Variants in GTF2H3 observed in about 807,000 individuals in gnomAD.
The protein encoded by GTF2H3 is TFIIH basal transcription factor complex p34 subunit.
GTF2H3 carries 42 observed loss-of-function variants against 51.1 expected under a neutral mutation model. The observed-to-expected ratio is 0.82, with a 90% CI of 0.64 to 1.06. GTF2H3 has a LOEUF of 1.06. GTF2H3 is among the 50% of genes least tolerant of loss of function. The probability of loss-of-function intolerance (pLI) is 0.00; values close to 1 mark genes in which losing one functional copy is unlikely to be tolerated. For synonymous variants in GTF2H3, 123 were observed against 123.8 expected (o/e 0.99, Z 0.04); for missense variants, 326 against 366.1 (o/e 0.89, Z 0.89).
chr12:123,649,905 A>G (rs1272378523), intron 4 of GTF2H3: 3 of 152,236 alleles, frequency 2.0e-5, no homozygotes, highest in African/African-American at 7.2e-5. Flanking sequence ...TGTACATTAT[A>G]AACCTGTTAA....
intron 2 of GTF2H3, among the ~76,000 whole-genome samples, chr12:123,644,433 C>T (rs1021093985): frequency 6.6e-6 from 1 of 151,982 alleles, no homozygotes; most frequent in Non-Finnish European, 1.5e-5. Flanking sequence ...TTTGGGAGGC[C>T]GAGGCGGGCG....
chr12:123,649,886 T>C (rs567810075), intron 4 of GTF2H3: 1 of 152,356 alleles, frequency 6.6e-6, no homozygotes, highest in East Asian at 1.9e-4. Context: ...TAGACCAGAA[T>C]TTATGGTTTG....
rs1273481925 is a variant in GTF2H3 at position 123,656,916 on chromosome 12, T to C, written c.615+1092T>C. On this transcript the variant is annotated intron_variant, in intron 9 of 12. Coordinates refer to ENST00000543341, the MANE Select transcript of GTF2H3 (RefSeq NM_001516.5). ...GCCTGGGCAACATGGCGAGACACCA[T>C]CTCTATAAACAATACAAAAAAATTA... Among the ~76,000 whole-genome samples, 8 of 152,030 alleles carry C rather than the reference T, an allele frequency of 5.3e-5. No individual in the cohort carries two copies. The South Asian group carries it at 1.7e-3, about 32-fold the overall frequency.
At chr12:123,633,899 G>T in intron 1 of GTF2H3, 27 bp downstream of exon 1, 1 of 1,612,450 alleles carries the variant, frequency 6.2e-7, no homozygotes, top group South Asian at 1.1e-5. Flanking sequence ...GCGGGACTTC[G>T]ACTCCGGGGC....
intron 8 of GTF2H3, 81 bp from the exon 9 acceptor site, chr12:123,655,690 G>T (rs1440716966): frequency 4.8e-6 from 4 of 826,412 alleles, no homozygotes; most frequent in African/African-American, 1.7e-5. Context: ...TAAGCATAGA[G>T]TATGGCATGT....
chr12:123,638,930 G>A (rs113175793), intron 1 of GTF2H3, among the ~76,000 whole-genome samples: 7,239 of 151,724 alleles, frequency 0.048, 299 homozygotes, highest in African/African-American at 0.11. Flanking sequence ...CGAGTAGCTG[G>A]GACTACAGGC....
At chr12:123,649,900 A>C (rs1006041986) in intron 4 of GTF2H3, 2 of 152,264 alleles carry the variant, frequency 1.3e-5, no homozygotes, top group African/African-American at 4.8e-5. Flanking sequence ...TGGTTTGTAC[A>C]TTATAAACCT....
intron 7 of GTF2H3, among the ~76,000 whole-genome samples, chr12:123,653,332 G>A (rs1421531587): frequency 6.8e-6 from 1 of 146,508 alleles, no homozygotes; most frequent in Non-Finnish European, 1.5e-5. Flanking sequence ...TATCAGGGAG[G>A]TTTTTTTTTT....
intron 1 of GTF2H3, among the ~76,000 whole-genome samples, chr12:123,634,159 G>A (rs556096592): frequency 1.1e-4 from 16 of 152,190 alleles, no homozygotes; most frequent in Non-Finnish European, 1.5e-4. Context: ...TTTCGGCCGG[G>A]TCGCACCCCG....
chr12:123,639,265 A>G lies in GTF2H3; in HGVS notation c.15A>G (p.Glu5=). 1 of 1,453,534 alleles carries G rather than the reference A, an allele frequency of 6.9e-7. No individual in the cohort carries two copies. The highest frequency in any genetic ancestry group is 1.4e-5 in the African/African-American group (1 of 72,028). 90.0% of individuals were successfully genotyped at this position (1,453,534 alleles called of 1,614,324 possible). A position where few individuals can be genotyped will look rare whatever the true frequency, so the allele number is the denominator to read the frequency against. MVSD[E]DELNLLVIVV... is the part of the protein sequence containing the mutation. ...TTTATTTCTTGTTAATATTTTCAGA[A>G]GATGAATTGAATCTTCTGGTTATTG... Residue 5 remains glutamate, a splice_region_variant and synonymous_variant, in exon 2 of 13, where the codon GAA becomes GAG. Transcript: ENST00000543341.
chr12:123,639,316 G>C lies in GTF2H3; in HGVS notation c.66G>C (p.Trp22Cys). The change falls in exon 2 of 13, where the codon TGG becomes TGC. Residue 22 changes from tryptophan (W) to cysteine (C), a missense_variant. Transcript: ENST00000543341. ...VIVVDANPIWWGKQALKESQF... is the reference protein window; with the variant it reads ...VIVVDANPIWCGKQALKESQF... ...TAGTTGATGCCAACCCAATTTGGTG[G>C]GGAAAGCAAGCATTAAAGGAATCTC... is the stretch of plus-strand genomic sequence containing the variant. The C allele has an allele frequency of 6.3e-7, 1 of 1,586,790 alleles. No individual in the cohort carries two copies. The highest frequency in any genetic ancestry group is 8.7e-7 in the Non-Finnish European group (1 of 1,155,230).
Position 123,636,166 on chromosome 12 carries a change from A to G in GTF2H3, c.13+2294A>G, listed in dbSNP as rs374299593. Among the ~76,000 whole-genome samples, 4 of 152,206 alleles carry G rather than the reference A, an allele frequency of 2.6e-5. No individual in the cohort carries two copies. The South Asian group carries it at 8.3e-4, about 31-fold the overall frequency. On this transcript the variant is annotated intron_variant, in intron 1 of 12. Coordinates refer to ENST00000543341, the MANE Select transcript of GTF2H3 (RefSeq NM_001516.5). ...TCAACAACTATTCAATGTAAAAAACAAGGGGTGGGGGTCATCTTATAATTG... is the reference window on the plus strand; with the variant it reads ...TCAACAACTATTCAATGTAAAAAACGAGGGGTGGGGGTCATCTTATAATTG...
chr12:123,650,416 C>T (rs931832201), intron 4 of GTF2H3: 2 of 152,766 alleles, frequency 1.3e-5, no homozygotes, highest in Non-Finnish European at 2.9e-5. Flanking sequence ...TGTACCCTGT[C>T]CAGGCTGCTA....
chr12:123,648,224 C>A, intron 4 of GTF2H3, 98 bp downstream of exon 4: 1 of 736,620 alleles, frequency 1.4e-6, no homozygotes, highest in Non-Finnish European at 2.2e-6. Context: ...ATGTTGTATG[C>A]CTGCACGTTC....
Position 123,639,472 on chromosome 12 carries a change from A to AT in GTF2H3, c.93+137dup, listed in dbSNP as rs569121685. ...TATTCAGCCACTGTACAATTCAGTG[A>AT]TTTTTTTTAAGTAAATTTGCGAAGT... On this transcript the variant is annotated intron_variant, in intron 2 of 12. Coordinates refer to ENST00000543341, the MANE Select transcript of GTF2H3 (RefSeq NM_001516.5). 1.3e-4 allele frequency: 69 copies of AT among 550,304 alleles called. 2 individuals are homozygous for AT. The highest frequency in any genetic ancestry group is 4.5e-4 in the Admixed American group (14 of 30,840). The allele number at this position is 550,304 out of a possible 1,614,324, so 34.1% of individuals were successfully genotyped here.
chr12:123,637,097 A>C (rs1291597517), intron 1 of GTF2H3, among the ~76,000 whole-genome samples: 1 of 152,086 alleles, frequency 6.6e-6, no homozygotes. Flanking sequence ...AAAATACATA[A>C]ATAAATAAAT....
At chr12:123,647,806 TAC>T (rs1555287763) in intron 3 of GTF2H3, among the ~76,000 whole-genome samples, 155 bp from the exon 4 acceptor site, 1 of 152,254 alleles carries the variant, frequency 6.6e-6, no homozygotes, top group Non-Finnish European at 1.5e-5. Context: ...AATTTTATCT[TAC>T]ACATTTTTTT....
rs1261165060 is a variant in GTF2H3, at chr12:123,661,524, C to G, written c.*1289C>G. ...TGCGAAGTAGCAGGTGCCTGTAGTTCCAGCTACTCGGGAGGCTGAGGCAAG... is the reference window on the plus strand; with the variant it reads ...TGCGAAGTAGCAGGTGCCTGTAGTTGCAGCTACTCGGGAGGCTGAGGCAAG... On this transcript the variant is annotated 3_prime_UTR_variant, in exon 13 of 13. Coordinates refer to ENST00000543341, the MANE Select transcript of GTF2H3 (RefSeq NM_001516.5). 2 of 151,884 alleles carry G rather than the reference C, an allele frequency of 1.3e-5. No individual in the cohort carries two copies. Among genetic ancestry groups the G allele is most frequent in the Non-Finnish European group, 2.9e-5 (2 of 68,122 alleles). The allele number at this position is 151,884 out of a possible 1,614,324, so 9.4% of individuals were successfully genotyped here. A position where few individuals can be genotyped will look rare whatever the true frequency, so the allele number is the denominator to read the frequency against.
At chr12:123,656,077 AC>A in intron 9 of GTF2H3, 3 of 353,296 alleles carry the variant, frequency 8.5e-6, no homozygotes, top group Non-Finnish European at 1.5e-5. Context: ...CGAAAGGGAA[AC>A]AAAACCCTAA....
Sources: allele counts gnomAD v4.1 joint callset (sites outside exome capture counted in the v4.1 genomes callset), GRCh38; gene constraint gnomAD v4.1.1; transcripts MANE v1.5; gene names NCBI Gene and HGNC (gene_info 2026-07-23, HGNC 2026-07-21).